Variants in SCFD1 observed in about 807,000 individuals in gnomAD.
SCFD1 encodes the protein sec1 family domain-containing protein 1.
SCFD1 carries 37 observed loss-of-function variants against 103.2 expected under a neutral mutation model. The ratio of observed to expected loss-of-function variants is 0.36; its 90% confidence interval spans 0.28 to 0.47. SCFD1 has a LOEUF of 0.47. Ranked by LOEUF, SCFD1 falls within the 20% of genes least tolerant of loss-of-function variation. SCFD1 has a pLI of 1.00. For synonymous variants in SCFD1, 264 were observed against 245.0 expected, an observed-to-expected ratio of 1.08 and a Z score of -0.73; for missense variants, 639 against 761.2, an observed-to-expected ratio of 0.84 and a Z score of 1.89.
chr14:30,699,956 A>G (rs1271565062), intron 15 of SCFD1, among the ~76,000 whole-genome samples: 1 of 152,232 alleles, frequency 6.6e-6, no homozygotes, highest in Non-Finnish European at 1.5e-5. Context: ...TTTGGAAGAT[A>G]CAATAGAGAT....
At chr14:30,722,023 A>G (rs994365813) in intron 22 of SCFD1, 106 bp downstream of exon 22, 1 of 747,772 alleles carries the variant, frequency 1.3e-6, no homozygotes, top group Non-Finnish European at 2.2e-6. Flanking sequence ...TTAGTGTATG[A>G]TAATTTGGCC....
Position 30,650,482 on chromosome 14 carries a change from A to G in SCFD1, c.670-83A>G, listed in dbSNP as rs563277588. ...TAAAGAAATTCCAGGTTTCTTGGTT[A>G]TGAAACTAAAAACACATTTTGAATT... On this transcript the variant is annotated intron_variant, in intron 8 of 24. Transcript: ENST00000458591. 4.8e-5 allele frequency: 38 copies of G among 796,146 alleles called. No individual in the cohort carries two copies. In the East Asian group the frequency reaches 8.8e-4, roughly 18 times the overall value. The allele number at this position is 796,146 out of a possible 1,614,324, so 49.3% of individuals were successfully genotyped here. A position where few individuals can be genotyped will look rare whatever the true frequency, so the allele number is the denominator to read the frequency against.
Position 30,666,006 on chromosome 14 carries a change from C to T in SCFD1, c.856-4250C>T, listed in dbSNP as rs928168692. ...CCACTGTCAATATTAGACAGATCAA[C>T]GAGACAGAAGGTTAACAAGGATATC... is the stretch of plus-strand genomic sequence containing the variant. On this transcript the variant is annotated intron_variant, in intron 10 of 24. Coordinates refer to ENST00000458591, the MANE Select transcript of SCFD1 (RefSeq NM_016106.4). Among the ~76,000 whole-genome samples the T allele has an allele frequency of 2.0e-5, 3 of 152,248 alleles. No homozygotes were observed. In the South Asian group the frequency reaches 6.2e-4, roughly 32 times the overall value.
At chr14:30,703,048 A>C (rs1311890443) in intron 17 of SCFD1, among the ~76,000 whole-genome samples, 1 of 150,994 alleles carries the variant, frequency 6.6e-6, no homozygotes, top group African/African-American at 2.5e-5. Flanking sequence ...CTCACGTTAT[A>C]TTGCAAAGTA....
At chr14:30,683,072 TGA>T (rs1889619574) in intron 14 of SCFD1, 1 of 1,378,586 alleles carries the variant, frequency 7.3e-7, no homozygotes, top group African/African-American at 1.5e-5. Context: ...TGACCTGTTT[TGA>T]GTAGGTTTCT....
At chr14:30,703,185 A>C (rs1189599604) in intron 17 of SCFD1, among the ~76,000 whole-genome samples, 2 of 152,034 alleles carry the variant, frequency 1.3e-5, no homozygotes, top group South Asian at 4.2e-4. Flanking sequence ...ATTAACAAAT[A>C]AGCAAATAAA....
chr14:30,641,781 T>C (rs1183927004), intron 6 of SCFD1, among the ~76,000 whole-genome samples: 1 of 152,228 alleles, frequency 6.6e-6, no homozygotes, highest in Non-Finnish European at 1.5e-5. Flanking sequence ...CTGTAGATAC[T>C]TGGAGATATC....
intron 23 of SCFD1, 22 bp from the exon 24 acceptor site, chr14:30,734,768 G>A (rs745899483): frequency 6.3e-7 from 1 of 1,585,672 alleles, no homozygotes; most frequent in East Asian, 2.2e-5. Flanking sequence ...TTGTATCTAA[G>A]TTCTGACTCT....
chr14:30,682,092 G>A (rs186625122), intron 14 of SCFD1, among the ~76,000 whole-genome samples: 2 of 152,158 alleles, frequency 1.3e-5, no homozygotes. Flanking sequence ...AACAAGTTGA[G>A]GTTATACATT....
At chr14:30,659,108 T>G (rs1887190162) in intron 10 of SCFD1, among the ~76,000 whole-genome samples, 1 of 152,012 alleles carries the variant, frequency 6.6e-6, no homozygotes, top group Admixed American at 6.6e-5. Flanking sequence ...TTGGATTGAA[T>G]TTTTATTTAA....
chr14:30,642,239 C>G (rs1315760191), intron 6 of SCFD1, among the ~76,000 whole-genome samples: 1 of 151,986 alleles, frequency 6.6e-6, no homozygotes, highest in Non-Finnish European at 1.5e-5. Context: ...AGGTGTGTGC[C>G]ACCACACCTG....
intron 6 of SCFD1, 41 bp from the exon 7 acceptor site, chr14:30,643,275 A>T: frequency 8.2e-7 from 1 of 1,223,056 alleles, no homozygotes; most frequent in Non-Finnish European, 1.2e-6. Flanking sequence ...ATGAGGCATA[A>T]GTTTGGGTCA....
intron 3 of SCFD1, among the ~76,000 whole-genome samples, chr14:30,631,992 G>A (rs999293792): frequency 5.9e-5 from 8 of 134,994 alleles, no homozygotes; most frequent in African/African-American, 8.2e-5. Context: ...AGGTTGTAGT[G>A]AACCGAGATC....
At chr14:30,702,995 G>A (rs1195318235) in intron 17 of SCFD1, among the ~76,000 whole-genome samples, 2 of 151,516 alleles carry the variant, frequency 1.3e-5, no homozygotes, top group Non-Finnish European at 2.9e-5. Flanking sequence ...ATACAGTCAA[G>A]TCATTAAAAA....
chr14:30,684,979 G>T (rs1594698686), intron 14 of SCFD1, among the ~76,000 whole-genome samples: 2 of 73,316 alleles, frequency 2.7e-5, no homozygotes, highest in Non-Finnish European at 4.9e-5. Context: ...CCCCACCACA[G>T]TCCCCAGAGT....
At chr14:30,722,617 A>AGC (rs1354095811) in intron 23 of SCFD1, 58 bp downstream of exon 23, 20 of 1,051,382 alleles carry the variant, frequency 1.9e-5, no homozygotes, top group Non-Finnish European at 2.5e-5. Flanking sequence ...GTAGAACACT[A>AGC]GCATACTCTG....
chr14:30,667,510 C>T (rs546402320), intron 10 of SCFD1, among the ~76,000 whole-genome samples: 4 of 152,314 alleles, frequency 2.6e-5, no homozygotes, highest in African/African-American at 9.6e-5. Context: ...CAGGGATGCC[C>T]TCTCTCACCA....
chr14:30,655,846 G>A (rs76111729), intron 10 of SCFD1, among the ~76,000 whole-genome samples: 95 of 152,272 alleles, frequency 6.2e-4, no homozygotes, highest in Non-Finnish European at 1.2e-3. Context: ...GTGAGATGCC[G>A]GCCAGGCATG....
At chr14:30,718,502 C>T (rs1374845025) in intron 20 of SCFD1, among the ~76,000 whole-genome samples, 1 of 152,232 alleles carries the variant, frequency 6.6e-6, no homozygotes, top group Non-Finnish European at 1.5e-5. Context: ...GGTGAGGCAG[C>T]TGCCTGCATT....
Sources: allele counts gnomAD v4.1 joint callset (sites outside exome capture counted in the v4.1 genomes callset), GRCh38; gene constraint gnomAD v4.1.1; transcripts MANE v1.5; gene names NCBI Gene and HGNC (gene_info 2026-07-23, HGNC 2026-07-21).